The following WDR7 variants were observed in gnomAD, a reference collection of about 807,000 sequenced individuals.
The protein encoded by WDR7 is WD repeat domain 7.
WDR7 carries 46 observed loss-of-function variants against 169.4 expected under a neutral mutation model. The observed-to-expected ratio is 0.27, with a 90% confidence interval of 0.21 to 0.35. WDR7 has a LOEUF of 0.35. Ranked by LOEUF, WDR7 falls within the 10% of genes least tolerant of loss-of-function variation. The probability of loss-of-function intolerance (pLI) is 1.00; values close to 1 mark genes in which losing one functional copy is unlikely to be tolerated. For synonymous variants in WDR7, 612 were observed against 666.8 expected (o/e 0.92, Z 1.27); for missense variants, 1,534 against 1,859.3 (o/e 0.83, Z 3.22).
chr18:57,001,047 A>AAGAGAGAGAGAGAGAG (rs10536689), intron 26 of WDR7, among the ~76,000 whole-genome samples: 2 of 129,422 alleles, frequency 1.5e-5, no homozygotes, highest in African/African-American at 6.4e-5. Context: ...ATCTCTACAA[A>AAGAGAGAGAGAGAGAG]AGAGAGAGAG....
intron 20 of WDR7, among the ~76,000 whole-genome samples, chr18:56,849,369 G>A (rs1428649143): frequency 6.6e-6 from 1 of 152,074 alleles, no homozygotes; most frequent in Non-Finnish European, 1.5e-5. Context: ...TCTGTTTCTT[G>A]TAGTGATTTC....
In WDR7 at chr18:56,884,227, G is replaced by A. The variant is rs560707912; in HGVS notation, c.3526+4062G>A. Among the ~76,000 whole-genome samples the A allele has an allele frequency of 2.8e-4, 43 of 152,220 alleles. No homozygotes were observed. In the South Asian group the frequency reaches 7.5e-3, roughly 26 times the overall value. On this transcript the variant is annotated intron_variant, in intron 21 of 27. Transcript: ENST00000254442. ...CAGGAGCAAGGTGGTGTCGCATTGT[G>A]GTTTTGATTTGCCTTTCCCTGATAA...
intron 21 of WDR7, among the ~76,000 whole-genome samples, chr18:56,886,623 T>TC (rs1477595798): frequency 6.6e-6 from 1 of 152,162 alleles, no homozygotes; most frequent in African/African-American, 2.4e-5. Context: ...ACCTCATATC[T>TC]CAGTACTAAC....
chr18:56,983,500 T>C (rs1375842273), intron 26 of WDR7, among the ~76,000 whole-genome samples: 7 of 152,062 alleles, frequency 4.6e-5, no homozygotes, highest in Admixed American at 2.6e-4. Flanking sequence ...CAATTTATAC[T>C]CAGTTTCTCT....
chr18:56,653,994 G>A (rs2024712366), intron 1 of WDR7, among the ~76,000 whole-genome samples: 4 of 152,134 alleles, frequency 2.6e-5, no homozygotes, highest in Admixed American at 2.6e-4. Context: ...GCTCGTGAGG[G>A]TTCCTTTATC....
intron 19 of WDR7, among the ~76,000 whole-genome samples, chr18:56,787,961 G>C (rs1341039724): frequency 6.6e-6 from 1 of 152,174 alleles, no homozygotes; most frequent in Non-Finnish European, 1.5e-5. Flanking sequence ...GATAAACATG[G>C]TATGAGTCTT....
chr18:56,773,399 A>G (rs2044194185), intron 16 of WDR7, among the ~76,000 whole-genome samples: 1 of 151,862 alleles, frequency 6.6e-6, no homozygotes, highest in Admixed American at 6.6e-5. Flanking sequence ...TCTATTCATG[A>G]TGATAGTTAA....
At chr18:56,924,281 TATAATTTTAACACA>T (rs1387454930) in intron 22 of WDR7, among the ~76,000 whole-genome samples, 173 bp downstream of exon 22, 1 of 152,224 alleles carries the variant, frequency 6.6e-6, no homozygotes, top group Non-Finnish European at 1.5e-5. Flanking sequence ...AGCATGTTTC[TATAATTTTAACACA>T]ATCGGGATTT....
At chr18:56,975,240 G>A (rs1353104417) in intron 26 of WDR7, among the ~76,000 whole-genome samples, 3 of 152,096 alleles carry the variant, frequency 2.0e-5, no homozygotes, top group Non-Finnish European at 4.4e-5. Flanking sequence ...CGTCTCGGGG[G>A]TAGTGGGGCA....
At chr18:56,942,360 G>A (rs2047046077) in intron 25 of WDR7, among the ~76,000 whole-genome samples, 1 of 152,144 alleles carries the variant, frequency 6.6e-6, no homozygotes, top group African/African-American at 2.4e-5. Context: ...GTTCCAGTTT[G>A]TGCCAGTTGG....
At chr18:56,846,870 T>C (rs373567957) in intron 20 of WDR7, among the ~76,000 whole-genome samples, 7 of 152,360 alleles carry the variant, frequency 4.6e-5, no homozygotes, top group African/African-American at 1.2e-4. Context: ...AAGCTTCTTT[T>C]CTTTATAAAT....
At chr18:56,691,423 C>A in intron 8 of WDR7, 62 bp downstream of exon 8, 3 of 1,484,830 alleles carry the variant, frequency 2.0e-6, no homozygotes, top group Non-Finnish European at 2.7e-6. Flanking sequence ...ATTTAGGGTA[C>A]AACCTGACTT....
chr18:56,876,836 A>G (rs78208291), intron 20 of WDR7, among the ~76,000 whole-genome samples: 8,695 of 152,202 alleles, frequency 0.057, 868 homozygotes, highest in African/African-American at 0.2. Flanking sequence ...AAGAGCAGAA[A>G]TTAATAAGAT....
intron 26 of WDR7, among the ~76,000 whole-genome samples, chr18:57,013,018 C>T (rs2048158641): frequency 6.6e-6 from 1 of 152,186 alleles, no homozygotes; most frequent in Non-Finnish European, 1.5e-5. Flanking sequence ...TTTGAATTCT[C>T]TATAGCAACA....
At chr18:56,801,042 T>C (rs2044665442) in intron 19 of WDR7, among the ~76,000 whole-genome samples, 2 of 152,236 alleles carry the variant, frequency 1.3e-5, no homozygotes, top group East Asian at 3.8e-4. Context: ...TGTGTGTGTC[T>C]GTATATTAAA....
intron 13 of WDR7, chr18:56,721,536 G>C (rs1464614068): frequency 6.6e-6 from 1 of 152,184 alleles, no homozygotes; most frequent in Non-Finnish European, 1.5e-5. Context: ...CTAGCAACAA[G>C]ATTTAGCCAG....
At chr18:56,728,952 T>G (rs1456616896) in intron 13 of WDR7, among the ~76,000 whole-genome samples, 1 of 152,306 alleles carries the variant, frequency 6.6e-6, no homozygotes, top group East Asian at 1.9e-4. Flanking sequence ...TTATCTGACA[T>G]GGGCTCCTAC....
intron 21 of WDR7, among the ~76,000 whole-genome samples, chr18:56,898,389 G>A (rs2046357409): frequency 6.6e-6 from 1 of 151,962 alleles, no homozygotes; most frequent in African/African-American, 2.4e-5. Flanking sequence ...ATTCAGGGGT[G>A]GATGTTAAAA....
intron 20 of WDR7, among the ~76,000 whole-genome samples, chr18:56,819,284 C>T (rs911529272): frequency 6.6e-6 from 1 of 152,158 alleles, no homozygotes; most frequent in Non-Finnish European, 1.5e-5. Context: ...AGAATCTTAA[C>T]TGGAAGAGAA....
Sources: allele counts gnomAD v4.1 joint callset (sites outside exome capture counted in the v4.1 genomes callset), GRCh38; gene constraint gnomAD v4.1.1; transcripts MANE v1.5; gene names NCBI Gene and HGNC (gene_info 2026-07-23, HGNC 2026-07-21).